Variants in FAM20A observed in about 807,000 individuals in gnomAD.
FAM20A encodes the protein FAM20A golgi associated secretory pathway pseudokinase, also known as pseudokinase FAM20A.
In FAM20A, 42 loss-of-function variants were observed where a neutral mutation model predicts 52.0. The observed-to-expected ratio is 0.81, with a 90% CI of 0.63 to 1.04. The LOEUF is 1.04. Ranked by LOEUF, FAM20A falls within the 50% of genes least tolerant of loss-of-function variation. The pLI, the probability that FAM20A is intolerant of heterozygous loss-of-function variation, is 0.00. For missense variants in FAM20A, 742 were observed against 712.7 expected, an observed-to-expected ratio of 1.04 and a Z score of -0.47; for synonymous variants, 304 against 298.9, an observed-to-expected ratio of 1.02 and a Z score of -0.18.
intron 1 of FAM20A, among the ~76,000 whole-genome samples, chr17:68,595,591 G>A (rs1217209613): frequency 6.6e-6 from 1 of 152,218 alleles, no homozygotes; most frequent in Non-Finnish European, 1.5e-5. Context: ...CACACGGGCC[G>A]TGGTTGAGGT....
intron 4 of FAM20A, chr17:68,551,144 A>G (rs2086817349): frequency 2.4e-6 from 3 of 1,233,020 alleles, no homozygotes; most frequent in East Asian, 6.3e-5. Flanking sequence ...GCCGAACTCT[A>G]GGAGACCCTA....
intron 4 of FAM20A, among the ~76,000 whole-genome samples, chr17:68,548,826 G>A (rs1480149700): frequency 5.0e-5 from 7 of 139,928 alleles, no homozygotes; most frequent in Non-Finnish European, 7.6e-5. Flanking sequence ...TCCGCCTCCC[G>A]GGTTCACGCC....
chr17:68,552,521 T>TCA (rs2086882049), intron 3 of FAM20A, among the ~76,000 whole-genome samples: 1 of 152,146 alleles, frequency 6.6e-6, no homozygotes, highest in Non-Finnish European at 1.5e-5. Flanking sequence ...AAATTTTGCA[T>TCA]CCTGGGCACC....
intron 4 of FAM20A, among the ~76,000 whole-genome samples, chr17:68,549,764 G>T (rs1240982058): frequency 6.6e-6 from 1 of 152,092 alleles, no homozygotes; most frequent in African/African-American, 2.4e-5. Context: ...GGTGACTCTT[G>T]TGTTCAGCTG....
chr17:68,550,988 G>A (rs972170290), intron 4 of FAM20A: 1 of 1,055,730 alleles, frequency 9.5e-7, no homozygotes, highest in Non-Finnish European at 1.2e-6. Context: ...TTTGGAATCT[G>A]CCAGTCTAAT....
chr17:68,550,646 A>C (rs556315626), intron 4 of FAM20A, among the ~76,000 whole-genome samples: 1 of 152,164 alleles, frequency 6.6e-6, no homozygotes, highest in East Asian at 1.9e-4. Context: ...CTACCAAAGT[A>C]CTGGGATTAC....
intron 1 of FAM20A, among the ~76,000 whole-genome samples, chr17:68,562,617 C>A (rs1458754012): frequency 1.3e-5 from 2 of 151,888 alleles, no homozygotes; most frequent in Non-Finnish European, 2.9e-5. Flanking sequence ...TCCATCCCCC[C>A]CCCTTTTTAT....
intron 1 of FAM20A, among the ~76,000 whole-genome samples, chr17:68,593,181 C>A (rs978822227): frequency 6.6e-6 from 1 of 152,234 alleles, no homozygotes. Context: ...ACAGCTGCAG[C>A]TGGTTAGAAT....
At chr17:68,575,017 G>A (rs2087686382) in intron 1 of FAM20A, 1 of 152,012 alleles carries the variant, frequency 6.6e-6, no homozygotes, top group African/African-American at 2.4e-5. Flanking sequence ...GGCATGAGGT[G>A]GCCACTAGTC....
chr17:68,550,980 T>G, intron 4 of FAM20A: 1 of 1,028,636 alleles, frequency 9.7e-7, no homozygotes, highest in Non-Finnish European at 1.2e-6. Context: ...GCTGAAGGTT[T>G]GGAATCTGCC....
intron 1 of FAM20A, among the ~76,000 whole-genome samples, chr17:68,556,432 T>G (rs1354545998): frequency 6.6e-6 from 1 of 152,218 alleles, no homozygotes; most frequent in Non-Finnish European, 1.5e-5. Flanking sequence ...ACAAAGCTGT[T>G]ATAAATCAAC....
At chr17:68,540,459 T>A (rs1265435379) in intron 8 of FAM20A, 1 of 468,376 alleles carries the variant, frequency 2.1e-6, no homozygotes, top group African/African-American at 2.0e-5. Context: ...CCTGTGGGCC[T>A]GGAAGGTGGA....
At chr17:68,577,276 T>A (rs890322539) in intron 1 of FAM20A, among the ~76,000 whole-genome samples, 2 of 152,200 alleles carry the variant, frequency 1.3e-5, no homozygotes, top group African/African-American at 4.8e-5. Context: ...TTCTGCATGG[T>A]ACATGACACA....
At chr17:68,539,750 G>A (rs1452701334) in intron 9 of FAM20A, 135 bp downstream of exon 9, 2 of 801,118 alleles carry the variant, frequency 2.5e-6, no homozygotes, top group East Asian at 5.3e-5. Flanking sequence ...AATGGAAGAA[G>A]CCGGGCTCGA....
At chr17:68,559,881 C>T (rs2087161294) in intron 1 of FAM20A, among the ~76,000 whole-genome samples, 1 of 152,156 alleles carries the variant, frequency 6.6e-6, no homozygotes, top group Admixed American at 6.5e-5. Context: ...CAATTCAGTA[C>T]ACAGAAAGCT....
intron 8 of FAM20A, 33 bp from the exon 9 acceptor site, chr17:68,539,999 G>T: frequency 6.3e-7 from 1 of 1,594,590 alleles, no homozygotes; most frequent in Non-Finnish European, 8.6e-7. Context: ...GCTGGAACCA[G>T]CAGGCCAGGG....
At chr17:68,558,259 G>C in intron 1 of FAM20A, 1 of 384,122 alleles carries the variant, frequency 2.6e-6, no homozygotes, top group South Asian at 1.9e-5. Context: ...CCCCTGAGCT[G>C]CTGACGAAAA....
At chr17:68,579,256 G>T (rs1361920572) in intron 1 of FAM20A, among the ~76,000 whole-genome samples, 4 of 152,186 alleles carry the variant, frequency 2.6e-5, no homozygotes, top group Middle Eastern at 3.4e-3. Context: ...CAGAAACCGA[G>T]TCTCAGCCAA....
intron 1 of FAM20A, among the ~76,000 whole-genome samples, chr17:68,562,614 C>CT (rs33949732): frequency 2.0e-5 from 3 of 151,684 alleles, no homozygotes; most frequent in Admixed American, 2.0e-4. Flanking sequence ...TTTTCCATCC[C>CT]CCCCCCTTTT....
Sources: gnomAD v4.1 joint callset for allele counts (sites outside exome capture counted in the v4.1 genomes callset) on GRCh38, gnomAD v4.1.1 for gene constraint, MANE v1.5 for transcripts, NCBI Gene and HGNC (gene_info 2026-07-23, HGNC 2026-07-21) for gene names.